Variants in IWS1 observed in about 807,000 individuals in gnomAD.
The protein encoded by IWS1 is interacts with SUPT6H, CTD assembly factor 1, also known as protein IWS1 homolog.
In IWS1, 27 loss-of-function variants were observed where a neutral mutation model predicts 86.7. The observed-to-expected ratio is 0.31, with a 90% CI of 0.23 to 0.43. The LOEUF is 0.43. Ranked by LOEUF, IWS1 falls within the 20% of genes least tolerant of loss-of-function variation. The pLI, the probability that IWS1 is intolerant of heterozygous loss-of-function variation, is 1.00. For missense variants in IWS1, 827 were observed against 1,000.8 expected (o/e 0.83, Z 2.34); for synonymous variants, 313 against 335.1 (o/e 0.93, Z 0.72).
chr2:127,489,889 CTT>C lies in IWS1; in HGVS notation c.2100_2101del (p.Glu702ArgfsTer40). 2 of 1,613,166 alleles carry C rather than the reference CTT, an allele frequency of 1.2e-6. No homozygotes were observed. Among genetic ancestry groups the C allele is most frequent in the Non-Finnish European group, 1.7e-6 (2 of 1,179,146 alleles). On this transcript the variant is annotated frameshift_variant, in exon 11 of 14. Coordinates refer to ENST00000295321, the MANE Select transcript of IWS1 (RefSeq NM_017969.3). LOFTEE classifies it high-confidence loss of function. The surrounding 1 kb of genome is among the most constrained non-coding windows in gnomAD (Gnocchi z 4.8). ...TAGATCTCTCTGCTCCCTTTCTTCT[CTT>C]GTCATTCCTTTGTAGTTTGAGGTAA...
chr2:127,519,468 A>G (rs1691964909), intron 2 of IWS1, among the ~76,000 whole-genome samples: 1 of 151,622 alleles, frequency 6.6e-6, no homozygotes, highest in African/African-American at 2.4e-5. Context: ...CCACTATCTT[A>G]AAGATTGTGT....
intron 2 of IWS1, among the ~76,000 whole-genome samples, chr2:127,518,673 C>T (rs1175528438): frequency 6.8e-6 from 1 of 146,506 alleles, no homozygotes; most frequent in Non-Finnish European, 1.5e-5. Context: ...ACAAGTGATT[C>T]TCCGGCCTCA....
In IWS1 at chr2:127,498,159, TATC is replaced by T; in HGVS notation, c.1543_1545del (p.Asp515del). The T allele has an allele frequency of 6.3e-7, 1 of 1,584,496 alleles. No homozygotes were observed. The highest frequency in any genetic ancestry group is 1.3e-5 in the African/African-American group (1 of 74,448). On this transcript the variant is annotated inframe_deletion, in exon 6 of 14. Coordinates refer to ENST00000295321, the MANE Select transcript of IWS1 (RefSeq NM_017969.3). ...ACTTACTGTTTTCCTCTCTTTATGT[TATC>T]ATCAGAATCTGAATCTTCTGCTTCT...
Position 127,504,607 on chromosome 2 carries a change from G to C in IWS1, c.1219+77C>G, listed in dbSNP as rs923873780. 5.0e-6 allele frequency: 5 copies of C among 1,008,892 alleles called. No homozygotes were observed. In the Admixed American group the frequency reaches 9.1e-5, roughly 18 times the overall value. 62.5% of individuals were successfully genotyped at this position (1,008,892 alleles called of 1,614,324 possible). On this transcript the variant is annotated intron_variant, in intron 3 of 13. Coordinates refer to ENST00000295321, the MANE Select transcript of IWS1 (RefSeq NM_017969.3). ...ACAGAACACAGATCTGACATACCAA[G>C]AGGATACAATGTTCCACAGTTACAA...
chr2:127,511,297 A>T (rs978729319), intron 2 of IWS1: 1 of 152,128 alleles, frequency 6.6e-6, no homozygotes, highest in Non-Finnish European at 1.5e-5. Context: ...ACATTTTCCT[A>T]ACTCTTCAAA....
At chr2:127,518,910 A>G (rs1269170526) in intron 2 of IWS1, among the ~76,000 whole-genome samples, 1 of 152,132 alleles carries the variant, frequency 6.6e-6, no homozygotes, top group Non-Finnish European at 1.5e-5. Flanking sequence ...TTGGTGCAAA[A>G]AAACCCATGA....
intron 9 of IWS1, 97 bp downstream of exon 9, chr2:127,493,184 G>A: frequency 5.4e-6 from 6 of 1,103,522 alleles, no homozygotes; most frequent in Non-Finnish European, 7.3e-6. Flanking sequence ...GGCTGTAGCA[G>A]AGATAACATA....
At chr2:127,497,747 A>G (rs1292053290) in intron 6 of IWS1, among the ~76,000 whole-genome samples, 1 of 152,232 alleles carries the variant, frequency 6.6e-6, no homozygotes, top group African/African-American at 2.4e-5. Flanking sequence ...ATAGATTCCA[A>G]CTAGCTCAAC....
chr2:127,489,355 G>A lies in IWS1; in HGVS notation c.2160-120C>T. 3.0e-6 allele frequency: 2 copies of A among 667,144 alleles called. No homozygotes were observed. Among genetic ancestry groups the A allele is most frequent in the South Asian group, 1.9e-5 (1 of 52,914 alleles). The allele number at this position is 667,144 out of a possible 1,614,324, so 41.3% of individuals were successfully genotyped here. A position where few individuals can be genotyped will look rare whatever the true frequency, so the allele number is the denominator to read the frequency against. On this transcript the variant is annotated intron_variant, in intron 11 of 13. Transcript: ENST00000295321. This position sits in a 1 kb window ranked among gnomAD's most constrained non-coding sequence, Gnocchi z 4.8. ...TAATAGCTCTTTTACGATGGATCAG[G>A]GAAAATAATTCCTAATCTTTAAAAA...
In IWS1 at chr2:127,503,424, G is replaced by A. The variant is rs146729288; in HGVS notation, c.1372C>T (p.Leu458=). The change falls in exon 4 of 14, where the codon CTG becomes TTG. Residue 458 remains leucine, a synonymous_variant. Transcript: ENST00000295321. ...CCTGACTCACTGTCACTCCCAAACA[G>A]ATCCTTCTCTTCATTTTTCTTATCA... The part of the protein sequence containing the change: ...LSDKKNEEKD[L]FGSDSESGNE... The A allele has an allele frequency of 6.2e-7, 1 of 1,612,840 alleles. No homozygotes were observed. The highest frequency in any genetic ancestry group is 1.3e-5 in the African/African-American group (1 of 74,986).
chr2:127,521,808 C>T (rs1323567548), intron 2 of IWS1, among the ~76,000 whole-genome samples: 5 of 152,128 alleles, frequency 3.3e-5, no homozygotes, highest in Non-Finnish European at 7.4e-5. Context: ...TCAAAAACAG[C>T]CACACTTATT....
At chr2:127,501,083 A>C (rs1279355573) in intron 5 of IWS1, among the ~76,000 whole-genome samples, 1 of 152,234 alleles carries the variant, frequency 6.6e-6, no homozygotes, top group Non-Finnish European at 1.5e-5. Flanking sequence ...TTAGACTTAT[A>C]CACATACTTT....
intron 2 of IWS1, among the ~76,000 whole-genome samples, chr2:127,519,385 T>C (rs1467453199): frequency 6.6e-6 from 1 of 152,088 alleles, no homozygotes; most frequent in Admixed American, 6.5e-5. Context: ...CTAAAGGAGC[T>C]TTCTAATAAA....
chr2:127,526,255 C>A lies in IWS1; in HGVS notation c.-47G>T. The stretch of plus-strand genomic sequence containing the variant: ...GAGTGTCCGCGCCCCGCGCCGCCCC[C>A]GTCACCTCCTTCCAGGCGGTGTGAC... On this transcript the variant is annotated 5_prime_UTR_variant, in exon 1 of 14. Transcript: ENST00000295321. 1.3e-6 allele frequency: 2 copies of A among 1,549,694 alleles called. No individual in the cohort carries two copies. The highest frequency in any genetic ancestry group is 1.7e-6 in the Non-Finnish European group (2 of 1,148,026).
rs766048884 is a variant in IWS1 at position 127,481,099 on chromosome 2, C to T, written c.2405G>A (p.Ser802Asn). ...GATTTTCACTGCGTGTGCAGATCTG[C>T]TTTTTTTCCTTATATCTGTGAACTT... Reference protein sequence around the residue: ...MRKFTDIRKKSRSAHAVKISI... With the variant: ...MRKFTDIRKKNRSAHAVKISI... The change falls in exon 14 of 14, where the codon AGC (serine) becomes AAC (asparagine). Residue 802 changes from serine (S) to asparagine (N), a missense_variant. Ser to Asn is a conservative substitution (Grantham distance 46). Around this residue, in one of 2 missense-constraint regions of IWS1, gnomAD observed 279 missense variants for 440.6 expected, o/e 0.63. Transcript: ENST00000295321. The T allele has an allele frequency of 3.1e-6, 5 of 1,612,188 alleles. No individual in the cohort carries two copies. The highest frequency in any genetic ancestry group is 2.5e-6 in the Non-Finnish European group (3 of 1,179,474).
At chr2:127,498,278 C>T (rs1466122896) in intron 5 of IWS1, 41 bp from the exon 6 acceptor site, 1 of 1,586,760 alleles carries the variant, frequency 6.3e-7, no homozygotes, top group East Asian at 2.2e-5. Flanking sequence ...AGATTTTCTT[C>T]TGTATTAAGT....
chr2:127,526,605 T>C (rs1029071103), upstream of IWS1: 6 of 1,358,278 alleles, frequency 4.4e-6, no homozygotes, highest in African/African-American at 5.9e-5. Flanking sequence ...CCTGGGAAAA[T>C]TGAGCTGGAA....
At chr2:127,524,965 T>C (rs1692314107) in intron 1 of IWS1, among the ~76,000 whole-genome samples, 1 of 151,974 alleles carries the variant, frequency 6.6e-6, no homozygotes, top group South Asian at 2.1e-4. Flanking sequence ...TTCCGCTCAC[T>C]GCAACCTCTG....
chr2:127,505,049 T>G lies in IWS1; in HGVS notation c.854A>C (p.Gln285Pro). 6.2e-7 allele frequency: 1 copy of G among 1,612,322 alleles called. No homozygotes were observed. Among genetic ancestry groups the G allele is most frequent in the Admixed American group, 1.7e-5 (1 of 59,590 alleles). ...CTCCTCATTTTCCGAATCACTGGCC[T>G]GGTTCCTTGGGGGATCCTCACTTTC... The part of the protein sequence containing the change: ...DSESEDPPRN[Q>P]ASDSENEELP... The change falls in exon 3 of 14, where the codon CAG (glutamine) becomes CCG (proline). Residue 285 changes from glutamine to proline, a missense_variant. By Grantham distance (76) the Gln-to-Pro change is moderately conservative (BLOSUM62 -1). Transcript: ENST00000295321. This position sits in a 1 kb window ranked among gnomAD's most constrained non-coding sequence, Gnocchi z 5.0.
Sources: allele counts gnomAD v4.1 joint callset (sites outside exome capture counted in the v4.1 genomes callset), GRCh38; gene constraint gnomAD v4.1.1; regional missense constraint gnomAD v4.1.1; non-coding constraint Gnocchi (gnomAD v3.1); transcripts MANE v1.5; gene names NCBI Gene and HGNC (gene_info 2026-07-23, HGNC 2026-07-21).